The following DHX38 variants were observed in gnomAD, a reference collection of about 807,000 sequenced individuals.
DHX38 encodes the protein DEAH-box helicase 38.
DHX38 carries 100 observed loss-of-function variants against 153.1 expected under a neutral mutation model. The ratio of observed to expected loss-of-function variants is 0.65; its 90% CI spans 0.56 to 0.77. DHX38 has a LOEUF of 0.77. Among genes scored for constraint, DHX38 ranks in the 30% least tolerant of loss-of-function variants. DHX38 has a pLI of 0.00. For missense variants in DHX38, 1,440 were observed against 1,654.0 expected (o/e 0.87, Z 2.24); for synonymous variants, 650 against 631.7 (o/e 1.03, Z -0.43).
chr16:72,104,170 G>A lies in DHX38; in HGVS notation c.2010+39G>A, dbSNP rs991770222. ...GGTTTGGTCTCTCTGCGCATGGGGT[G>A]TTGACCAGTGCACCACCAGTAGCTA... is the stretch of plus-strand genomic sequence containing the variant. On this transcript the variant is annotated intron_variant, in intron 14 of 26. Transcript: ENST00000268482. This position sits in a 1 kb window ranked among gnomAD's most constrained non-coding sequence, Gnocchi z 4.5. 1.2e-6 allele frequency: 2 copies of A among 1,601,030 alleles called. No homozygotes were observed. The highest frequency in any genetic ancestry group is 3.3e-5 in the Admixed American group (2 of 59,730).
chr16:72,098,297 G>T (rs1456344995), intron 4 of DHX38, among the ~76,000 whole-genome samples: 1 of 152,126 alleles, frequency 6.6e-6, no homozygotes, highest in African/African-American at 2.4e-5. Context: ...GCCTGGGGTG[G>T]TGGTGGGTAC....
rs771134661 is a variant in DHX38 at position 72,104,516 on chromosome 16, A to G, written c.2041A>G (p.Ile681Val). The G allele has an allele frequency of 3.1e-6, 5 of 1,614,078 alleles. No homozygotes were observed. The highest frequency in any genetic ancestry group is 1.7e-4 in the Middle Eastern group (1 of 6,058). ...VVARRSDLKLIVTSATMDAEK... is the reference protein window; with the variant it reads ...VVARRSDLKLVVTSATMDAEK... ...GGCTCGGCGCTCAGACCTGAAGCTC[A>G]TCGTCACATCAGCCACGATGGATGC... Residue 681 changes from isoleucine to valine, a missense_variant, in exon 15 of 27, where the codon ATC becomes GTC. This residue lies in a region of DHX38 where 543 missense variants were observed against 717.9 expected (regional missense o/e 0.76). Transcript: ENST00000268482. The surrounding 1 kb of genome is among the most constrained non-coding windows in gnomAD (Gnocchi z 4.5).
chr16:72,098,626 T>C lies in DHX38; in HGVS notation c.617-19T>C, dbSNP rs1255023138. 6.2e-7 allele frequency: 1 copy of C among 1,612,472 alleles called. No homozygotes were observed. Among genetic ancestry groups the C allele is most frequent in the South Asian group, 1.1e-5 (1 of 91,020 alleles). On this transcript the variant is annotated intron_variant, in intron 4 of 26. Coordinates refer to ENST00000268482, the MANE Select transcript of DHX38 (RefSeq NM_014003.4). ...GGTTAAGTGAGATGTTTCCTGTGGA[T>C]GTGTCTTTTGTGGCCCAGATGCAGC... is the stretch of plus-strand genomic sequence containing the variant.
At position 72,099,774 on chromosome 16, in the gene DHX38, G is replaced by T; in HGVS notation, c.1003G>T (p.Glu335Ter). 6.2e-7 allele frequency: 1 copy of T among 1,614,192 alleles called. No individual in the cohort carries two copies. Among genetic ancestry groups the T allele is most frequent in the Non-Finnish European group, 8.5e-7 (1 of 1,180,034 alleles). Residue 335 changes from glutamate (E) to a stop codon, truncating the protein, a stop_gained, in exon 8 of 27, where the codon GAG becomes TAG. Transcript: ENST00000268482. LOFTEE classifies it high-confidence loss of function. ...DWYMMDEGYDEFHNPLAYSSE... is the reference protein window; with the variant it reads ...DWYMMDEGYD Reference sequence around the variant, plus strand: ...GTACATGATGGACGAGGGCTATGACGAGTTCCACAACCCGCTGGCCTACTC... The same window carrying T: ...GTACATGATGGACGAGGGCTATGACTAGTTCCACAACCCGCTGGCCTACTC...
chr16:72,112,211 G>A, intron 26 of DHX38: 2 of 601,722 alleles, frequency 3.3e-6, no homozygotes, highest in South Asian at 4.0e-5. Flanking sequence ...AAGCATATCG[G>A]AATGAGTGAG....
At position 72,099,270 on chromosome 16, in the gene DHX38, A is replaced by T. The variant is rs1477594439; in HGVS notation, c.950A>T (p.Asp317Val). Residue 317 changes from aspartate to valine, a missense_variant, in exon 7 of 27, where the codon GAT (aspartate) becomes GTT (valine). Coordinates refer to ENST00000268482, the MANE Select transcript of DHX38 (RefSeq NM_014003.4). ...DTEEERQQWE[D>V]DQRQADRDWY... The stretch of plus-strand genomic sequence containing the variant: ...GAGGAGGAGCGGCAGCAGTGGGAAG[A>T]TGACCAGAGGGTAAAGTTTTATACC... 5.0e-6 allele frequency: 8 copies of T among 1,611,620 alleles called. No individual in the cohort carries two copies. Among genetic ancestry groups the T allele is most frequent in the Non-Finnish European group, 6.8e-6 (8 of 1,179,158 alleles).
At position 72,098,776 on chromosome 16, in the gene DHX38, A is replaced by T. The variant is rs202052654; in HGVS notation, c.748A>T (p.Thr250Ser). 1.4e-5 allele frequency: 23 copies of T among 1,613,980 alleles called. No individual in the cohort carries two copies. Among genetic ancestry groups the T allele is most frequent in the Middle Eastern group, 3.3e-4 (2 of 6,084 alleles). Residue 250 changes from threonine (T) to serine (S), a missense_variant, in exon 5 of 27, where the codon ACT (threonine) becomes TCT (serine). This residue lies in a region of DHX38 where 483 missense variants were observed against 465.1 expected (regional missense o/e 1.04). Coordinates refer to ENST00000268482, the MANE Select transcript of DHX38 (RefSeq NM_014003.4). The part of the protein sequence containing the change: ...RDSERSHRLS[T>S]RDRDRSVRGK... ...TTCTGAGCGGAGCCATCGGCTGTCC[A>T]CTCGAGATCGAGACAGGTGATGTTC...
intron 11 of DHX38, among the ~76,000 whole-genome samples, chr16:72,101,933 C>T (rs921152023): frequency 4.6e-5 from 7 of 152,200 alleles, no homozygotes; most frequent in African/African-American, 1.4e-4. Context: ...CAGGCCGTCT[C>T]ACATCAGAGC....
intron 25 of DHX38, among the ~76,000 whole-genome samples, chr16:72,110,239 C>T (rs892784357): frequency 2.0e-5 from 3 of 152,238 alleles, no homozygotes; most frequent in Admixed American, 6.5e-5. Flanking sequence ...TTGCTCACAG[C>T]GGTGTTTAAC....
At chr16:72,109,785 C>T (rs777360490) in intron 25 of DHX38, 7 of 272,488 alleles carry the variant, frequency 2.6e-5, no homozygotes, top group Non-Finnish European at 4.1e-5. Flanking sequence ...ACCATGAATT[C>T]GTTGCCTTGC....
At chr16:72,101,019 G>T in intron 9 of DHX38, 67 bp from the exon 10 acceptor site, 10 of 1,454,622 alleles carry the variant, frequency 6.9e-6, no homozygotes, top group South Asian at 2.3e-5. Flanking sequence ...TTCACAAGTA[G>T]GGATCTTATG....
In DHX38 at chr16:72,111,057, C is replaced by T; in HGVS notation, c.3579C>T (p.Arg1193=). Residue 1193 remains arginine, a synonymous_variant, in exon 26 of 27, where the codon CGC becomes CGT. Coordinates refer to ENST00000268482, the MANE Select transcript of DHX38 (RefSeq NM_014003.4). ...CCCGGCGGCAGGAGCAGGAGAAGCG[C>T]AGCCCCCTGGGCAGTGTCAGGTGAG... ...LRARRQEQEK[R]SPLGSVRSTK... The T allele has an allele frequency of 6.4e-7, 1 of 1,569,228 alleles. No homozygotes were observed. Among genetic ancestry groups the T allele is most frequent in the Non-Finnish European group, 8.6e-7 (1 of 1,157,490 alleles).
intron 13 of DHX38, 26 bp from the exon 14 acceptor site, chr16:72,103,920 A>G (rs749921990): frequency 1.9e-6 from 3 of 1,611,630 alleles, no homozygotes; most frequent in Non-Finnish European, 2.5e-6. Flanking sequence ...TGGCCAGGGC[A>G]TCTGAGCCAT....
Position 72,098,768 on chromosome 16 carries a change from G to T in DHX38, c.740G>T (p.Arg247Leu). 1 of 1,614,174 alleles carries T rather than the reference G, an allele frequency of 6.2e-7. No individual in the cohort carries two copies. Among genetic ancestry groups the T allele is most frequent in the Non-Finnish European group, 8.5e-7 (1 of 1,180,028 alleles). ...PSYRDSERSH[R>L]LSTRDRDRSV... The stretch of plus-strand genomic sequence containing the variant: ...TATCGGGATTCTGAGCGGAGCCATC[G>T]GCTGTCCACTCGAGATCGAGACAGG... The change falls in exon 5 of 27, where the codon CGG becomes CTG. Residue 247 changes from arginine (R) to leucine (L), a missense_variant. Coordinates refer to ENST00000268482, the MANE Select transcript of DHX38 (RefSeq NM_014003.4).
rs146872571 is a variant in DHX38, at chr16:72,096,963, G to A, written c.465G>A (p.Lys155=). Residue 155 remains lysine (K), a synonymous_variant, in exon 3 of 27, where the codon AAG becomes AAA. Transcript: ENST00000268482. Reference sequence around the variant, plus strand: ...CGTCCAAAGAAGAAAAGGATTGGAAGAAGGAGAAATCGCGGGATCGAGACT... The same window carrying A: ...CGTCCAAAGAAGAAAAGGATTGGAAAAAGGAGAAATCGCGGGATCGAGACT... ...YASSKEEKDW[K]KEKSRDRDYD... The A allele has an allele frequency of 8.2e-5, 132 of 1,614,118 alleles. No individual in the cohort carries two copies. In the African/African-American group the frequency reaches 1.3e-3, roughly 16 times the overall value.
chr16:72,095,993 G>T lies in DHX38; in HGVS notation c.-19-146G>T, dbSNP rs554359994. On this transcript the variant is annotated intron_variant, in intron 1 of 26. Coordinates refer to ENST00000268482, the MANE Select transcript of DHX38 (RefSeq NM_014003.4). ...AGATAGGCAGTGACTTGATGGAAAG[G>T]TCTTGGAGAGAGGGAGCAAAAGTAG... The T allele has an allele frequency of 1.7e-5, 13 of 781,016 alleles. No homozygotes were observed. The South Asian group carries it at 2.1e-4, about 13-fold the overall frequency. The allele number at this position is 781,016 out of a possible 1,614,324, so 48.4% of individuals were successfully genotyped here. A position where few individuals can be genotyped will look rare whatever the true frequency, so the allele number is the denominator to read the frequency against.
Position 72,096,995 on chromosome 16 carries a change from G to T in DHX38, c.497G>T (p.Arg166Leu), listed in dbSNP as rs1020522001. Residue 166 changes from arginine to leucine, a missense_variant, in exon 3 of 27, where the codon CGC becomes CTC. By Grantham distance (102) the Arg-to-Leu change is moderately radical (BLOSUM62 -2). This residue lies in a region of DHX38 where 483 missense variants were observed against 465.1 expected (regional missense o/e 1.04). Transcript: ENST00000268482. ...KEKSRDRDYD[R>L]KRDRDERDRS... is the part of the protein sequence containing the mutation. ...AAATCGCGGGATCGAGACTATGACC[G>T]CAAGAGGGACAGAGGTAAACTGTCC... 6.2e-7 allele frequency: 1 copy of T among 1,613,672 alleles called. No homozygotes were observed. Among genetic ancestry groups the T allele is most frequent in the Non-Finnish European group, 8.5e-7 (1 of 1,179,792 alleles).
rs944545757 is a variant in DHX38 at position 72,107,331 on chromosome 16, C to G, written c.2601-9C>G. On this transcript the variant is annotated splice_polypyrimidine_tract_variant and intron_variant, in intron 19 of 26. Coordinates refer to ENST00000268482, the MANE Select transcript of DHX38 (RefSeq NM_014003.4). This position sits in a 1 kb window ranked among gnomAD's most constrained non-coding sequence, Gnocchi z 5.3. The stretch of plus-strand genomic sequence containing the variant: ...TTGTGGTGAGAAGATGGGGTCTTCT[C>G]CCCGGCAGGCTCTACACCCAGAGCG... The G allele has an allele frequency of 1.9e-6, 3 of 1,601,502 alleles. No individual in the cohort carries two copies. The South Asian group carries it at 3.3e-5, about 18-fold the overall frequency.
rs746171802 is a variant in DHX38 at position 72,096,897 on chromosome 16, G to C, written c.399G>C (p.Arg133=). The C allele has an allele frequency of 6.2e-7, 1 of 1,614,136 alleles. No homozygotes were observed. The highest frequency in any genetic ancestry group is 8.5e-7 in the Non-Finnish European group (1 of 1,180,000). ...GCGAAGAGTTTTGGGAACGCAGTCG[G>C]CAGAGAGAGCGGGAGCGGCGGGAAC... is the stretch of plus-strand genomic sequence containing the variant. ...GVSEEFWERS[R]QRERERREHG... is the part of the protein sequence containing the mutation. Residue 133 remains arginine, a synonymous_variant, in exon 3 of 27, where the codon CGG becomes CGC. Transcript: ENST00000268482.
Sources: gnomAD v4.1 joint callset for allele counts (sites outside exome capture counted in the v4.1 genomes callset) on GRCh38, gnomAD v4.1.1 for gene constraint, gnomAD v4.1.1 regional missense constraint, Gnocchi (gnomAD v3.1) non-coding constraint, MANE v1.5 for transcripts, NCBI Gene and HGNC (gene_info 2026-07-23, HGNC 2026-07-21) for gene names.